Variants in MARCHF4 observed in about 807,000 individuals in gnomAD.
MARCHF4 encodes E3 ubiquitin-protein ligase MARCHF4.
A neutral mutation model predicts 43.9 loss-of-function variants in MARCHF4; 14 were observed. The ratio of observed to expected loss-of-function variants is 0.32; its 90% CI spans 0.21 to 0.50. The LOEUF (loss-of-function observed/expected upper bound fraction) is 0.50, where lower values mean the gene tolerates loss of function less well. Among genes scored for constraint, MARCHF4 ranks in the 20% least tolerant of loss-of-function variants. The probability of loss-of-function intolerance (pLI) is 0.98; values close to 1 mark genes in which losing one functional copy is unlikely to be tolerated. For missense variants in MARCHF4, 468 were observed against 536.7 expected, an observed-to-expected ratio of 0.87 and a Z score of 1.27; for synonymous variants, 226 against 213.3, an observed-to-expected ratio of 1.06 and a Z score of -0.52.
chr2:216,293,572 A>T (rs1574466245), intron 1 of MARCHF4, among the ~76,000 whole-genome samples: 1 of 32,888 alleles, frequency 3.0e-5, no homozygotes, highest in African/African-American at 2.9e-4. Flanking sequence ...TTTCAATGTA[A>T]AAAAAAAAAA....
Position 216,348,476 on chromosome 2 carries a change from C to T in MARCHF4, c.516+21269G>A, listed in dbSNP as rs973261035. On this transcript the variant is annotated intron_variant, in intron 1 of 3. Coordinates refer to ENST00000273067, the MANE Select transcript of MARCHF4 (RefSeq NM_020814.3). Reference sequence around the variant, plus strand: ...AAACCAAGAAGGTGATGAGAGTGACCTCTGGTTGTCCTCACTGCTACCCTC... The same window carrying T: ...AAACCAAGAAGGTGATGAGAGTGACTTCTGGTTGTCCTCACTGCTACCCTC... Among the ~76,000 whole-genome samples, 4 of 152,124 alleles carry T rather than the reference C, an allele frequency of 2.6e-5. No homozygotes were observed. In the East Asian group the frequency reaches 5.8e-4, roughly 22 times the overall value.
intron 1 of MARCHF4, among the ~76,000 whole-genome samples, chr2:216,292,519 T>C (rs1370936314): frequency 1.3e-5 from 2 of 152,162 alleles, no homozygotes; most frequent in South Asian, 2.1e-4. Context: ...ACAGAGAAAG[T>C]AGGAATTCTC....
chr2:216,364,326 G>T (rs1692632572), intron 1 of MARCHF4, among the ~76,000 whole-genome samples: 1 of 151,962 alleles, frequency 6.6e-6, no homozygotes, highest in Non-Finnish European at 1.5e-5. Context: ...CAGGTACTGG[G>T]TTGAGAGCCA....
intron 1 of MARCHF4, among the ~76,000 whole-genome samples, chr2:216,315,786 T>G (rs1691764108): frequency 7.0e-6 from 1 of 143,602 alleles, no homozygotes; most frequent in South Asian, 2.1e-4. Flanking sequence ...TTATATGACC[T>G]TTTTAGAATG....
At chr2:216,263,493 AAGAGAGAGAGAGAG>A (rs150783185) in intron 3 of MARCHF4, among the ~76,000 whole-genome samples, 1 of 58,886 alleles carries the variant, frequency 1.7e-5, no homozygotes, top group African/African-American at 3.9e-5. Context: ...AGGAGAGAGA[AAGAGAGAGAGAGAG>A]AGAGAGAGAG....
intron 1 of MARCHF4, among the ~76,000 whole-genome samples, chr2:216,356,662 C>T (rs1405083427): frequency 6.6e-6 from 1 of 152,214 alleles, no homozygotes; most frequent in Non-Finnish European, 1.5e-5. Context: ...TGAAAAGCCT[C>T]TTCCCTTTTA....
Position 216,372,152 on chromosome 2 carries a change from C to T in MARCHF4, c.-1892G>A, listed in dbSNP as rs147497169. ...AGGCTGCTGCCAGGTGTTGTCTCGT[C>T]TTCCGCCGTTGCTCAGCACCCGCCG... On this transcript the variant is annotated 5_prime_UTR_variant, in exon 1 of 4. Coordinates refer to ENST00000273067, the MANE Select transcript of MARCHF4 (RefSeq NM_020814.3). 5 of 152,502 alleles carry T rather than the reference C, an allele frequency of 3.3e-5. No homozygotes were observed. Among genetic ancestry groups the T allele is most frequent in the African/African-American group, 9.6e-5 (4 of 41,576 alleles). 9.4% of individuals were successfully genotyped at this position (152,502 alleles called of 1,614,324 possible).
At chr2:216,277,297 A>G (rs1307287027) in intron 3 of MARCHF4, among the ~76,000 whole-genome samples, 4 of 152,170 alleles carry the variant, frequency 2.6e-5, no homozygotes, top group African/African-American at 9.7e-5. Flanking sequence ...AAGAGAATGG[A>G]ATGAAATGGG....
rs181512480 is a variant in MARCHF4 at position 216,266,055 on chromosome 2, A to G, written c.866-6376T>C. 10 of 152,326 alleles carry G rather than the reference A, an allele frequency of 6.6e-5. No homozygotes were observed. The East Asian group carries it at 1.9e-3, about 29-fold the overall frequency. 9.4% of individuals were successfully genotyped at this position (152,326 alleles called of 1,614,324 possible). ...ATTTTAAAAAGTAATCTACTTCCAG[A>G]TGTCATAGACATGGAAATGGGAAGA... On this transcript the variant is annotated intron_variant, in intron 3 of 3. Transcript: ENST00000273067.
At chr2:216,278,383 G>A (rs1044012024) in intron 2 of MARCHF4, among the ~76,000 whole-genome samples, 5 of 151,990 alleles carry the variant, frequency 3.3e-5, no homozygotes, top group Non-Finnish European at 5.9e-5. Flanking sequence ...AACACCATGC[G>A]TGGCTAATTT....
intron 1 of MARCHF4, among the ~76,000 whole-genome samples, chr2:216,366,505 C>A (rs1478642638): frequency 6.6e-6 from 1 of 152,144 alleles, no homozygotes; most frequent in African/African-American, 2.4e-5. Flanking sequence ...ATCTATCTCT[C>A]TCTCTCTCTC....
intron 1 of MARCHF4, among the ~76,000 whole-genome samples, chr2:216,320,564 T>C (rs1404342437): frequency 6.6e-6 from 1 of 151,968 alleles, no homozygotes; most frequent in East Asian, 1.9e-4. Flanking sequence ...TACCCTATTA[T>C]GCAGCCTCTC....
intron 1 of MARCHF4, among the ~76,000 whole-genome samples, chr2:216,286,782 T>C (rs1420391270): frequency 6.6e-6 from 1 of 152,198 alleles, no homozygotes. Context: ...ACAGGGACTC[T>C]TTGCCAACTA....
intron 1 of MARCHF4, among the ~76,000 whole-genome samples, chr2:216,332,935 A>T (rs751298427): frequency 6.6e-6 from 1 of 152,228 alleles, no homozygotes; most frequent in African/African-American, 2.4e-5. Flanking sequence ...TTCTTAATAA[A>T]TAGTTGCTGT....
At chr2:216,260,917 C>A (rs1690733422) in intron 3 of MARCHF4, among the ~76,000 whole-genome samples, 1 of 152,174 alleles carries the variant, frequency 6.6e-6, no homozygotes, top group South Asian at 2.1e-4. Context: ...CAGTGAGAAA[C>A]TGCTGGAGTC....
At chr2:216,337,955 A>G (rs149110532) in intron 1 of MARCHF4, among the ~76,000 whole-genome samples, 53 of 152,308 alleles carry the variant, frequency 3.5e-4, no homozygotes, top group African/African-American at 1.3e-3. Flanking sequence ...TTTGATCAGA[A>G]ATGGCACTGC....
chr2:216,287,800 TAA>T (rs565987395), intron 1 of MARCHF4, among the ~76,000 whole-genome samples: 21 of 145,676 alleles, frequency 1.4e-4, no homozygotes, highest in African/African-American at 5.0e-4. Context: ...ATAATAAAAT[TAA>T]AAAAAAAAAA....
At chr2:216,360,095 C>T (rs1377453781) in intron 1 of MARCHF4, among the ~76,000 whole-genome samples, 1 of 152,038 alleles carries the variant, frequency 6.6e-6, no homozygotes, top group African/African-American at 2.4e-5. Context: ...AAATGCAGAT[C>T]CCAGGGCACT....
intron 1 of MARCHF4, among the ~76,000 whole-genome samples, chr2:216,336,741 T>TAAAAAAAAAAAAAAAAAAAAAAAAA (rs779932039): frequency 3.7e-5 from 2 of 54,132 alleles, no homozygotes; most frequent in East Asian, 2.2e-3. Flanking sequence ...GCAAATAGAT[T>TAAAAAAAAAAAAAAAAAAAAAAAAA]TAAAAAAAAA....
Sources: allele counts gnomAD v4.1 joint callset (sites outside exome capture counted in the v4.1 genomes callset), GRCh38; gene constraint gnomAD v4.1.1; transcripts MANE v1.5; gene names NCBI Gene and HGNC (gene_info 2026-07-23, HGNC 2026-07-21).